Variants in CACNA1S observed in about 807,000 individuals in gnomAD.
CACNA1S encodes the protein voltage-dependent L-type calcium channel subunit alpha-1S.
A neutral mutation model predicts 207.4 loss-of-function variants in CACNA1S; 126 were observed. The ratio of observed to expected loss-of-function variants is 0.61; its 90% CI spans 0.53 to 0.70. The LOEUF is 0.70. CACNA1S is among the 30% of genes least tolerant of loss of function. The probability of loss-of-function intolerance (pLI) is 0.00; values close to 1 mark genes in which losing one functional copy is unlikely to be tolerated. For missense variants in CACNA1S, 2,349 were observed against 2,422.8 expected (o/e 0.97, Z 0.64); for synonymous variants, 960 against 932.7 (o/e 1.03, Z -0.53).
At chr1:201,099,715 C>T (rs1662568067) in intron 2 of CACNA1S, among the ~76,000 whole-genome samples, 1 of 152,192 alleles carries the variant, frequency 6.6e-6, no homozygotes, top group Admixed American at 6.5e-5. Context: ...TCCACACAGG[C>T]TTGGCAGGTG....
chr1:201,108,709 C>G (rs1010968841), intron 2 of CACNA1S, among the ~76,000 whole-genome samples: 5 of 152,160 alleles, frequency 3.3e-5, no homozygotes, highest in African/African-American at 1.2e-4. Context: ...AGCTTCCCAT[C>G]AGCTCAAGAT....
At chr1:201,047,303 G>A (rs1660503340) in intron 37 of CACNA1S, 64 bp from the exon 38 acceptor site, 1 of 1,608,244 alleles carries the variant, frequency 6.2e-7, no homozygotes, top group Non-Finnish European at 8.5e-7. Flanking sequence ...GATTCAGAGT[G>A]GGAGCCAGCT....
rs138195856 is a variant in CACNA1S at position 201,061,844 on chromosome 1, C to T, written c.3053+100G>A. On this transcript the variant is annotated intron_variant, in intron 24 of 43. Coordinates refer to ENST00000362061, the MANE Select transcript of CACNA1S (RefSeq NM_000069.3). ...TGGTGGGTTTGTTGGACGCCTGCCA[C>T]AGGTAGCAGTAGCACCGTGGGGGCT... 1,462 of 1,373,228 alleles carry T rather than the reference C, an allele frequency of 1.1e-3. 6 individuals are homozygous for T. The Middle Eastern group carries it at 0.02, about 19-fold the overall frequency. 85.1% of individuals were successfully genotyped at this position (1,373,228 alleles called of 1,614,324 possible). A position where few individuals can be genotyped will look rare whatever the true frequency, so the allele number is the denominator to read the frequency against.
At chr1:201,051,590 C>G (rs1012054133) in intron 32 of CACNA1S, among the ~76,000 whole-genome samples, 2 of 152,186 alleles carry the variant, frequency 1.3e-5, no homozygotes, top group African/African-American at 4.8e-5. Context: ...GTGGATGTGT[C>G]GCTGTTGAAT....
intron 14 of CACNA1S, 25 bp downstream of exon 14, chr1:201,074,481 C>T: frequency 6.9e-7 from 1 of 1,456,076 alleles, no homozygotes; most frequent in Non-Finnish European, 9.6e-7. Context: ...CACTCCAGGT[C>T]CCTTCCTGCT....
In CACNA1S at chr1:201,073,781, A is replaced by C. The variant is rs1661503476; in HGVS notation, c.2064-139T>G. On this transcript the variant is annotated intron_variant, in intron 14 of 43. Coordinates refer to ENST00000362061, the MANE Select transcript of CACNA1S (RefSeq NM_000069.3). ...GGAGTGGCATCAGCCCCCAAATGGG[A>C]AGGGCAGTGGGCTCAGGCAAGTCCC... The C allele has an allele frequency of 6.3e-6, 5 of 792,398 alleles. No individual in the cohort carries two copies. In the East Asian group the frequency reaches 1.2e-4, roughly 19 times the overall value. The allele number at this position is 792,398 out of a possible 1,614,324, so 49.1% of individuals were successfully genotyped here.
At chr1:201,049,407 G>A (rs1312280413) in intron 34 of CACNA1S, among the ~76,000 whole-genome samples, 2 of 152,170 alleles carry the variant, frequency 1.3e-5, no homozygotes, top group African/African-American at 4.8e-5. Context: ...TTAGGTTTTG[G>A]TCAAGTTAAT....
chr1:201,078,169 C>T, intron 10 of CACNA1S, 65 bp from the exon 11 acceptor site: 1 of 1,346,686 alleles, frequency 7.4e-7, no homozygotes, highest in East Asian at 2.3e-5. Context: ...CCAGCCTTGG[C>T]TGTGGCTGGG....
intron 2 of CACNA1S, among the ~76,000 whole-genome samples, chr1:201,108,585 C>G (rs1048257381): frequency 1.3e-5 from 2 of 152,236 alleles, no homozygotes; most frequent in African/African-American, 4.8e-5. Flanking sequence ...TTAAGAAATG[C>G]CTTCCTTGCC....
chr1:201,050,979 C>A lies in CACNA1S; in HGVS notation c.4113+5G>T. On this transcript the variant is annotated splice_donor_5th_base_variant and intron_variant, in intron 33 of 43. Coordinates refer to ENST00000362061, the MANE Select transcript of CACNA1S (RefSeq NM_000069.3). Reference sequence around the variant, plus strand: ...TCCCTGCCCCGCAGGCCCTCAGCATCTCACCAGGAAGGCACAGAGCATGTA... The same window carrying A: ...TCCCTGCCCCGCAGGCCCTCAGCATATCACCAGGAAGGCACAGAGCATGTA... 1 of 1,614,104 alleles carries A rather than the reference C, an allele frequency of 6.2e-7. No homozygotes were observed. Among genetic ancestry groups the A allele is most frequent in the Non-Finnish European group, 8.5e-7 (1 of 1,179,994 alleles).
At chr1:201,074,427 A>C (rs1572046705) in intron 14 of CACNA1S, 79 bp downstream of exon 14, 2 of 856,890 alleles carry the variant, frequency 2.3e-6, no homozygotes, top group East Asian at 5.1e-5. Flanking sequence ...ATTGGGTTAC[A>C]GGGAGGCCCT....
At chr1:201,106,735 C>T (rs1662907970) in intron 2 of CACNA1S, among the ~76,000 whole-genome samples, 1 of 152,182 alleles carries the variant, frequency 6.6e-6, no homozygotes, top group Admixed American at 6.5e-5. Flanking sequence ...ACATCCTGTG[C>T]CCTGGCCAGA....
chr1:201,085,703 G>T (rs1412644258), intron 7 of CACNA1S, 122 bp from the exon 8 acceptor site: 1 of 1,174,892 alleles, frequency 8.5e-7, no homozygotes, highest in Non-Finnish European at 1.2e-6. Context: ...TCTGGCCCCG[G>T]GGTGTTGCCT....
At chr1:201,091,527 A>T in intron 5 of CACNA1S, 113 bp downstream of exon 5, 1 of 1,194,170 alleles carries the variant, frequency 8.4e-7, no homozygotes, top group African/African-American at 1.5e-5. Flanking sequence ...CTCAAGGTCA[A>T]CAGATGTGGG....
chr1:201,064,661 G>T (rs1339564077), intron 22 of CACNA1S, among the ~76,000 whole-genome samples: 4 of 152,220 alleles, frequency 2.6e-5, no homozygotes, highest in African/African-American at 7.2e-5. Flanking sequence ...CATGCAGGAA[G>T]TATCAAGGGT....
intron 28 of CACNA1S, 27 bp from the exon 29 acceptor site, chr1:201,054,588 G>A (rs1277902997): frequency 1.3e-6 from 2 of 1,594,886 alleles, no homozygotes; most frequent in Non-Finnish European, 1.7e-6. Flanking sequence ...CGAAGGGAGG[G>A]GAAGGAGAGG....
chr1:201,100,947 G>A (rs1158865686), intron 2 of CACNA1S, among the ~76,000 whole-genome samples: 4 of 151,844 alleles, frequency 2.6e-5, no homozygotes, highest in African/African-American at 9.7e-5. Flanking sequence ...AAGGGCTAAC[G>A]CAGTAATAGA....
chr1:201,103,452 GT>G (rs1370514770), intron 2 of CACNA1S, among the ~76,000 whole-genome samples: 1 of 149,512 alleles, frequency 6.7e-6, no homozygotes, highest in Non-Finnish European at 1.5e-5. Context: ...CAAGGCTTCT[GT>G]TGTTCAGCTA....
intron 2 of CACNA1S, among the ~76,000 whole-genome samples, chr1:201,096,345 G>A (rs761681371): frequency 1.3e-5 from 2 of 152,240 alleles, no homozygotes; most frequent in Non-Finnish European, 2.9e-5. Context: ...GAAAAGGGAT[G>A]TGTCCCCTCT....
Sources: gnomAD v4.1 joint callset for allele counts (sites outside exome capture counted in the v4.1 genomes callset) on GRCh38, gnomAD v4.1.1 for gene constraint, MANE v1.5 for transcripts, NCBI Gene and HGNC (gene_info 2026-07-23, HGNC 2026-07-21) for gene names.